The following SATL1 variants were observed in gnomAD, a reference collection of about 807,000 sequenced individuals.
The protein encoded by SATL1 is spermidine/spermine N(1)-acetyltransferase-like protein 1.
In SATL1, 47 loss-of-function variants were observed where a neutral mutation model predicts 51.8. The observed-to-expected ratio is 0.91, with a 90% CI of 0.72 to 1.16. The LOEUF is 1.16. Ranked by LOEUF, SATL1 falls within the 50% of genes most tolerant of loss-of-function variation. The probability of loss-of-function intolerance (pLI) is 0.00; values close to 1 mark genes in which losing one functional copy is unlikely to be tolerated. For synonymous variants in SATL1, 176 were observed against 182.4 expected, an observed-to-expected ratio of 0.97 and a Z score of 0.28; for missense variants, 520 against 526.4, an observed-to-expected ratio of 0.99 and a Z score of 0.12.
intron 4 of SATL1, among the ~76,000 whole-genome samples, chrX:85,099,272 AC>A (rs1035959992): frequency 4.5e-5 from 5 of 111,510 alleles, no homozygotes. Flanking sequence ...AGATCTCCCA[AC>A]AAAAAAAAGG....
At chrX:85,137,588 C>G (rs1925993433) in intron 2 of SATL1, among the ~76,000 whole-genome samples, 1 of 111,541 alleles carries the variant, frequency 9.0e-6, no homozygotes, top group South Asian at 3.8e-4. Context: ...TCAAGATTTT[C>G]TCTTTGTCTT....
chrX:85,187,008 T>C (rs1602898290), intron 2 of SATL1, among the ~76,000 whole-genome samples: 2 of 112,125 alleles, frequency 1.8e-5, no homozygotes, highest in South Asian at 7.4e-4. Context: ...TCCATGGGCA[T>C]GGGCTATTTT....
At chrX:85,162,060 G>A (rs909603056) in intron 2 of SATL1, among the ~76,000 whole-genome samples, 1 of 111,398 alleles carries the variant, frequency 9.0e-6, no homozygotes, top group Non-Finnish European at 1.9e-5. Flanking sequence ...CCTCCTGAAT[G>A]GCTTTTGGGT....
chrX:85,193,015 A>G (rs1238585622), intron 2 of SATL1, among the ~76,000 whole-genome samples: 1 of 112,101 alleles, frequency 8.9e-6, no homozygotes, highest in African/African-American at 3.2e-5. Context: ...AGCTAGAAAT[A>G]CTACAACAGT....
intron 2 of SATL1, among the ~76,000 whole-genome samples, chrX:85,151,204 C>G (rs1465962481): frequency 9.1e-6 from 1 of 109,951 alleles, no homozygotes; most frequent in African/African-American, 3.3e-5. Flanking sequence ...CATGAGTGAA[C>G]TCCCATTCAC....
At position 85,145,295 on chromosome X, in the gene SATL1, T is replaced by C. The variant is rs186070096; in HGVS notation, c.-312-36015A>G. Among the ~76,000 whole-genome samples, 186 of 111,745 alleles carry C rather than the reference T, an allele frequency of 1.7e-3. 1 individual carries two copies. The highest frequency in any genetic ancestry group is 2.6e-3 in the Non-Finnish European group (137 of 53,186). ...TCTTGTCAAATTTACTAATTATGCT[T>C]ATTTTTATGTCTGTCTTTCTCTTGT... On this transcript the variant is annotated intron_variant, in intron 2 of 7. Transcript: ENST00000644105.
At chrX:85,136,324 G>A (rs1214651425) in intron 2 of SATL1, among the ~76,000 whole-genome samples, 1 of 111,649 alleles carries the variant, frequency 9.0e-6, no homozygotes, top group African/African-American at 3.3e-5. Context: ...GAGTATAGAT[G>A]AAGACATAAT....
At chrX:85,173,467 T>C (rs1161150309) in intron 2 of SATL1, among the ~76,000 whole-genome samples, 3 of 111,047 alleles carry the variant, frequency 2.7e-5, no homozygotes, top group African/African-American at 6.5e-5. Context: ...GGTCTTTTTT[T>C]CCCCATTATT....
intron 2 of SATL1, among the ~76,000 whole-genome samples, chrX:85,199,185 C>G (rs987536416): frequency 1.8e-5 from 2 of 110,970 alleles, no homozygotes; most frequent in African/African-American, 6.6e-5. Context: ...CCCCCACTAC[C>G]CTTAGCAGTG....
chrX:85,197,252 G>T (rs1385964184), intron 2 of SATL1, among the ~76,000 whole-genome samples: 2 of 110,846 alleles, frequency 1.8e-5, no homozygotes, highest in African/African-American at 6.6e-5. Context: ...GTACATAGTA[G>T]GTGTATATAT....
At chrX:85,190,171 A>G (rs1927404142) in intron 2 of SATL1, among the ~76,000 whole-genome samples, 1 of 112,247 alleles carries the variant, frequency 8.9e-6, no homozygotes, top group Non-Finnish European at 1.9e-5. Context: ...CACAATTTGA[A>G]AAACTAGAAA....
chrX:85,138,813 A>G (rs1255968370), intron 2 of SATL1, among the ~76,000 whole-genome samples: 1 of 111,234 alleles, frequency 9.0e-6, no homozygotes, highest in Non-Finnish European at 1.9e-5. Flanking sequence ...TTTGTTTTGG[A>G]GATTAAGGAA....
intron 2 of SATL1, among the ~76,000 whole-genome samples, chrX:85,176,544 AT>A (rs1927085103): frequency 1.8e-5 from 2 of 112,022 alleles, no homozygotes; most frequent in African/African-American, 6.5e-5. Flanking sequence ...AAGAATAGTT[AT>A]CTCTGTACTG....
At chrX:85,137,359 G>C (rs767337800) in intron 2 of SATL1, among the ~76,000 whole-genome samples, 1 of 111,221 alleles carries the variant, frequency 9.0e-6, no homozygotes, top group African/African-American at 3.3e-5. Flanking sequence ...ATGCTAGGGG[G>C]CAATGAATAT....
At chrX:85,099,740 A>C (rs1478743479) in intron 4 of SATL1, among the ~76,000 whole-genome samples, 6 of 111,837 alleles carry the variant, frequency 5.4e-5, no homozygotes, top group Non-Finnish European at 1.1e-4. Context: ...ATAGAGGGAC[A>C]TTCCTCAACA....
chrX:85,165,495 G>T (rs1361333247), intron 2 of SATL1, among the ~76,000 whole-genome samples: 2 of 106,599 alleles, frequency 1.9e-5, no homozygotes, highest in Non-Finnish European at 3.9e-5. Flanking sequence ...ACCTTTCTCT[G>T]GTACCTAATT....
intron 2 of SATL1, among the ~76,000 whole-genome samples, chrX:85,135,547 AT>A (rs1925929227): frequency 9.3e-6 from 1 of 107,614 alleles, no homozygotes; most frequent in African/African-American, 3.4e-5. Context: ...ATTTGCTTTC[AT>A]TAAAAAAAAA....
rs182592088 is a variant in SATL1, at chrX:85,169,466, A to C, written c.-313+54739T>G. On this transcript the variant is annotated intron_variant, in intron 2 of 7. Coordinates refer to ENST00000644105, the MANE Select transcript of SATL1 (RefSeq NM_001367857.2). ...CCCATTAAAAAGTGGGCAAAAGACAAGAAAAGACACTTTTCAAAAGAAAAC... is the reference window on the plus strand; with the variant it reads ...CCCATTAAAAAGTGGGCAAAAGACACGAAAAGACACTTTTCAAAAGAAAAC... Among the ~76,000 whole-genome samples, 562 of 111,705 alleles carry C rather than the reference A, an allele frequency of 5.0e-3. 5 individuals carry two copies. The highest frequency in any genetic ancestry group is 9.2e-3 in the Non-Finnish European group (485 of 52,941).
chrX:85,145,223 C>T (rs775817964), intron 2 of SATL1, among the ~76,000 whole-genome samples: 2 of 111,062 alleles, frequency 1.8e-5, no homozygotes, highest in South Asian at 7.7e-4. Context: ...CTGGAAATGT[C>T]CTAGCAACCC....
Sources: allele counts gnomAD v4.1 joint callset (sites outside exome capture counted in the v4.1 genomes callset), GRCh38; gene constraint gnomAD v4.1.1; transcripts MANE v1.5; gene names NCBI Gene and HGNC (gene_info 2026-07-23, HGNC 2026-07-21).